Variants in DLGAP3 observed in about 807,000 individuals in gnomAD.
The protein encoded by DLGAP3 is DLG associated protein 3.
In DLGAP3, 17 loss-of-function variants were observed where a neutral mutation model predicts 81.2. The ratio of observed to expected loss-of-function variants is 0.21; its 90% CI spans 0.14 to 0.31. DLGAP3 has a LOEUF of 0.31. Ranked by LOEUF, DLGAP3 falls within the 10% of genes least tolerant of loss-of-function variation. The pLI, the probability that DLGAP3 is intolerant of heterozygous loss-of-function variation, is 1.00. For missense variants in DLGAP3, 1,124 were observed against 1,388.0 expected (o/e 0.81, Z 3.02); for synonymous variants, 577 against 587.4 (o/e 0.98, Z 0.26).
rs61679607 is a variant in DLGAP3 at position 34,906,033 on chromosome 1, T to TA, written c.-51-600_-51-599insT. ...CTCTAAATTTATATATATATATATA[T>TA]TTGTTTGTTTTTATATTTGTAAATG... On this transcript the variant is annotated intron_variant, in intron 2 of 11. Transcript: ENST00000373347. 1.2e-3 allele frequency among the ~76,000 whole-genome samples: 148 copies of TA among 122,974 alleles called. 1 individual carries two copies. Among genetic ancestry groups the TA allele is most frequent in the Non-Finnish European group, 1.6e-3 (91 of 56,022 alleles). 80.7% of individuals were successfully genotyped at this position (122,974 alleles called of 152,430 possible). A position where few individuals can be genotyped will look rare whatever the true frequency, so the allele number is the denominator to read the frequency against.
In DLGAP3 at chr1:34,905,351, A is replaced by T. The variant is rs1416789057; in HGVS notation, c.33T>A (p.His11Gln). 6.4e-7 allele frequency: 1 copy of T among 1,556,654 alleles called. No individual in the cohort carries two copies. The highest frequency in any genetic ancestry group is 8.7e-7 in the Non-Finnish European group (1 of 1,150,092). Residue 11 changes from histidine (H) to glutamine (Q), a missense_variant, in exon 3 of 12, where the codon CAT (histidine) becomes CAA (glutamine). His to Gln is a conservative substitution (Grantham distance 24, BLOSUM62 0). Coordinates refer to ENST00000373347, the MANE Select transcript of DLGAP3 (RefSeq NM_001080418.3). ...GGTCAGCAAAGCGGGCTGGGCGGGG[A>T]TGGCTGCCTCGGTCGCCATGGTAAC... MRGYHGDRGSHPRPARFADQQ... is the reference protein window; with the variant it reads MRGYHGDRGSQPRPARFADQQ...
chr1:34,925,482 A>C (rs1161645188), intron 1 of DLGAP3: 3 of 151,482 alleles, frequency 2.0e-5, no homozygotes, highest in Admixed American at 2.0e-4. Flanking sequence ...TCCCATCTGG[A>C]CTGGGGGGAG....
intron 5 of DLGAP3, among the ~76,000 whole-genome samples, chr1:34,892,847 A>G (rs1042125869): frequency 1.3e-5 from 2 of 152,224 alleles, no homozygotes; most frequent in African/African-American, 4.8e-5. Flanking sequence ...AATTCATCAC[A>G]TAGAGGGAAA....
chr1:34,867,324 G>A lies in DLGAP3; in HGVS notation c.2578-133C>T. 1 of 1,375,874 alleles carries A rather than the reference G, an allele frequency of 7.3e-7. No homozygotes were observed. Among genetic ancestry groups the A allele is most frequent in the Non-Finnish European group, 1.0e-6 (1 of 974,054 alleles). The allele number at this position is 1,375,874 out of a possible 1,614,324, so 85.2% of individuals were successfully genotyped here. On this transcript the variant is annotated intron_variant, in intron 10 of 11. Transcript: ENST00000373347. The surrounding 1 kb of genome is among the most constrained non-coding windows in gnomAD (Gnocchi z 4.3). ...GAGAGTGGGTGGGGGCTGGGAGACA[G>A]GGGGACAAGAGCGAGCCCAGGACTC...
At chr1:34,877,475 C>G (rs1382733268) in intron 8 of DLGAP3, among the ~76,000 whole-genome samples, 2 of 152,130 alleles carry the variant, frequency 1.3e-5, no homozygotes, top group South Asian at 4.1e-4. Flanking sequence ...ATGAAGGAAA[C>G]TGAACCAGGA....
At chr1:34,928,748 C>A (rs1025243180) in intron 1 of DLGAP3, among the ~76,000 whole-genome samples, 18 of 152,006 alleles carry the variant, frequency 1.2e-4, no homozygotes, top group Admixed American at 3.3e-4. Context: ...CACACACACA[C>A]AGTCACACAG....
chr1:34,868,834 G>T lies in DLGAP3; in HGVS notation c.2256C>A (p.Thr752=). The T allele has an allele frequency of 6.3e-7, 1 of 1,581,410 alleles. No homozygotes were observed. Among genetic ancestry groups the T allele is most frequent in the African/African-American group, 1.3e-5 (1 of 74,594 alleles). The change falls in exon 9 of 12, where the codon ACC becomes ACA. Residue 752 remains threonine, a synonymous_variant. Coordinates refer to ENST00000373347, the MANE Select transcript of DLGAP3 (RefSeq NM_001080418.3). The surrounding 1 kb of genome is among the most constrained non-coding windows in gnomAD (Gnocchi z 7.5). ...GYPLPYEPPA[T]DGSPGPAPAP... ...CGGGGGCAGGGCCGGGCGACCCATC[G>T]GTGGCCGGCGGCTCGTACGGCAGTG...
chr1:34,893,178 CAAAAAA>C (rs58802413), intron 5 of DLGAP3, among the ~76,000 whole-genome samples: 4 of 84,844 alleles, frequency 4.7e-5, no homozygotes, highest in Non-Finnish European at 7.0e-5. Context: ...GACTCCGTCT[CAAAAAA>C]AAAAAAAAAA....
chr1:34,880,464 C>G (rs1639127856), intron 8 of DLGAP3, among the ~76,000 whole-genome samples: 1 of 152,210 alleles, frequency 6.6e-6, no homozygotes, highest in Non-Finnish European at 1.5e-5. Flanking sequence ...AGCACAGTGG[C>G]TCACGCCTGT....
At chr1:34,878,787 C>T (rs1293811428) in intron 8 of DLGAP3, among the ~76,000 whole-genome samples, 2 of 152,184 alleles carry the variant, frequency 1.3e-5, no homozygotes, top group South Asian at 2.1e-4. Context: ...TTTCCAGAAG[C>T]TGGGTGGGCG....
intron 1 of DLGAP3, among the ~76,000 whole-genome samples, chr1:34,916,919 G>A (rs866045078): frequency 1.3e-5 from 2 of 152,006 alleles, no homozygotes; most frequent in Non-Finnish European, 2.9e-5. Context: ...GGATGGTCTC[G>A]GTCTCCCTGA....
intron 1 of DLGAP3, among the ~76,000 whole-genome samples, chr1:34,914,491 C>A (rs1028154706): frequency 2.6e-5 from 4 of 152,188 alleles, no homozygotes; most frequent in African/African-American, 4.8e-5. Flanking sequence ...TCGTTAGGGG[C>A]AGCTGGTGAG....
At chr1:34,928,189 C>T (rs1021078243) in intron 1 of DLGAP3, among the ~76,000 whole-genome samples, 5 of 152,074 alleles carry the variant, frequency 3.3e-5, no homozygotes, top group African/African-American at 7.2e-5. Context: ...CAGACCCACC[C>T]GGAGCCAGTG....
At chr1:34,921,823 G>C (rs939793859) in intron 1 of DLGAP3, among the ~76,000 whole-genome samples, 1 of 152,224 alleles carries the variant, frequency 6.6e-6, no homozygotes, top group Admixed American at 6.5e-5. Context: ...AAGTATACGT[G>C]TTAGCATGTA....
In DLGAP3 at chr1:34,895,157, G is replaced by A. The variant is rs1419515302; in HGVS notation, c.1386+4512C>T. Among the ~76,000 whole-genome samples the A allele has an allele frequency of 2.0e-5, 3 of 152,176 alleles. No individual in the cohort carries two copies. The highest frequency in any genetic ancestry group is 3.9e-4 in the East Asian group (2 of 5,192). On this transcript the variant is annotated intron_variant, in intron 5 of 11. Coordinates refer to ENST00000373347, the MANE Select transcript of DLGAP3 (RefSeq NM_001080418.3). The surrounding 1 kb of genome is among the most constrained non-coding windows in gnomAD (Gnocchi z 4.5). ...CCAAGGCAGGCGGATGACGAGGTCA[G>A]GAGATCGAGACGATCCTGGCTAACA...
intron 1 of DLGAP3, among the ~76,000 whole-genome samples, chr1:34,917,515 T>C (rs892982012): frequency 4.0e-5 from 6 of 151,880 alleles, no homozygotes; most frequent in Admixed American, 3.9e-4. Flanking sequence ...GCCTGGCTAA[T>C]TTCTTATTTT....
rs774683337 is a variant in DLGAP3 at position 34,904,432 on chromosome 1, T to C, written c.952A>G (p.Met318Val). The change falls in exon 3 of 12, where the codon ATG becomes GTG. Residue 318 changes from methionine to valine, a missense_variant. Around this residue, in one of 9 missense-constraint regions of DLGAP3, gnomAD observed 357 missense variants for 408.8 expected, o/e 0.87. Transcript: ENST00000373347. This position sits in a 1 kb window ranked among gnomAD's most constrained non-coding sequence, Gnocchi z 8.1. ...SEGRCLACTG[M>V]SMSLDGQSVK... ...GACTGTCCATCCAGTGACATGGACATGCCAGTGCAGGCAAGGCAGCGGCCT... is the reference window on the plus strand; with the variant it reads ...GACTGTCCATCCAGTGACATGGACACGCCAGTGCAGGCAAGGCAGCGGCCT... 9 of 1,614,016 alleles carry C rather than the reference T, an allele frequency of 5.6e-6. No homozygotes were observed. Among genetic ancestry groups the C allele is most frequent in the Admixed American group, 5.0e-5 (3 of 60,014 alleles).
chr1:34,899,543 C>G (rs1436250754), intron 5 of DLGAP3, 126 bp downstream of exon 5: 2 of 885,450 alleles, frequency 2.3e-6, no homozygotes, highest in Non-Finnish European at 3.8e-6. Context: ...GCAGGTTTCC[C>G]AGTTTCCCCA....
intron 5 of DLGAP3, among the ~76,000 whole-genome samples, chr1:34,888,396 C>A (rs1379776989): frequency 1.3e-5 from 2 of 152,204 alleles, no homozygotes; most frequent in Admixed American, 6.5e-5. Context: ...CTTCCTGGCT[C>A]CCATGTAAGG....
Sources: gnomAD v4.1 joint callset for allele counts (sites outside exome capture counted in the v4.1 genomes callset) on GRCh38, gnomAD v4.1.1 for gene constraint, gnomAD v4.1.1 regional missense constraint, Gnocchi (gnomAD v3.1) non-coding constraint, MANE v1.5 for transcripts, NCBI Gene and HGNC (gene_info 2026-07-23, HGNC 2026-07-21) for gene names.